ASIP: variants seen among roughly 807,000 people sequenced by gnomAD.
ASIP encodes agouti signaling protein, also known as agouti-signaling protein.
In ASIP, 11 loss-of-function variants were observed where a neutral mutation model predicts 10.3. The ratio of observed to expected loss-of-function variants is 1.07; its 90% CI spans 0.68 to 1.78. ASIP has a LOEUF of 1.78. ASIP is among the 40% of genes most tolerant of loss of function. ASIP has a pLI of 0.00. For missense variants in ASIP, 180 were observed against 169.2 expected, an observed-to-expected ratio of 1.06 and a Z score of -0.35; for synonymous variants, 70 against 70.8, an observed-to-expected ratio of 0.99 and a Z score of 0.06.
chr20:34,256,066 C>T (rs574887760), intron 1 of ASIP, among the ~76,000 whole-genome samples: 4 of 152,380 alleles, frequency 2.6e-5, no homozygotes, highest in Admixed American at 2.6e-4. Flanking sequence ...CACCTGGCTC[C>T]GCCTTCTAGA....
intron 1 of ASIP, among the ~76,000 whole-genome samples, chr20:34,249,577 G>A (rs940359880): frequency 6.6e-6 from 1 of 152,122 alleles, no homozygotes; most frequent in African/African-American, 2.4e-5. Context: ...GTGCTTAAAG[G>A]GCCAATGGCT....
rs917912519 is a variant in ASIP at position 34,218,864 on chromosome 20, C to T, written c.-11+24104C>T. Among the ~76,000 whole-genome samples, 8 of 152,052 alleles carry T rather than the reference C, an allele frequency of 5.3e-5. No individual in the cohort carries two copies. In the South Asian group the frequency reaches 1.5e-3, roughly 28 times the overall value. On this transcript the variant is annotated intron_variant, in intron 1 of 3. Transcript: ENST00000568305. ...ATTTTTAGTAGAGACGGGGTTTCAC[C>T]ATGTTAGCCAGGATGGTCTCGATCT...
chr20:34,204,691 T>C lies in ASIP; in HGVS notation c.-11+9931T>C, dbSNP rs182362626. 8.9e-4 allele frequency among the ~76,000 whole-genome samples: 136 copies of C among 152,388 alleles called. 1 individual carries two copies. The highest frequency in any genetic ancestry group is 2.5e-3 in the Admixed American group (39 of 15,306). On this transcript the variant is annotated intron_variant, in intron 1 of 3. Transcript: ENST00000568305. Reference sequence around the variant, plus strand: ...GAGTTTACTTTTTGTAGTTACTCTTTATCAGATTGAGGAATTTTTCTTCTA... The same window carrying C: ...GAGTTTACTTTTTGTAGTTACTCTTCATCAGATTGAGGAATTTTTCTTCTA...
intron 1 of ASIP, among the ~76,000 whole-genome samples, chr20:34,205,612 C>T (rs1193405396): frequency 9.0e-6 from 1 of 111,368 alleles, no homozygotes; most frequent in Admixed American, 7.6e-5. Flanking sequence ...TGCTTTTATT[C>T]CCTTATTTGG....
At chr20:34,232,792 T>C (rs1045436663) in intron 1 of ASIP, among the ~76,000 whole-genome samples, 1 of 152,246 alleles carries the variant, frequency 6.6e-6, no homozygotes, top group Non-Finnish European at 1.5e-5. Flanking sequence ...TGTCAGGCCA[T>C]GTCCACATGA....
At chr20:34,220,365 G>A (rs1391709770) in intron 1 of ASIP, among the ~76,000 whole-genome samples, 1 of 152,190 alleles carries the variant, frequency 6.6e-6, no homozygotes, top group African/African-American at 2.4e-5. Flanking sequence ...GGGAGGCTGA[G>A]GCAGGCTGAT....
intron 3 of ASIP, among the ~76,000 whole-genome samples, chr20:34,265,634 T>G (rs1031442306): frequency 6.6e-6 from 1 of 151,526 alleles, no homozygotes; most frequent in Non-Finnish European, 1.5e-5. Flanking sequence ...TCACTTACCA[T>G]AAATAGAAGG....
chr20:34,186,953 ACAGGTGCGTGCCAC>A, the ASIP span, among the ~76,000 whole-genome samples: 1 of 152,112 alleles, frequency 6.6e-6, no homozygotes, highest in African/African-American at 2.4e-5. Context: ...AGCTGGGACT[ACAGGTGCGTGCCAC>A]CACACCTGGT....
intron 1 of ASIP, among the ~76,000 whole-genome samples, chr20:34,205,143 A>G (rs2034926069): frequency 6.6e-6 from 1 of 152,226 alleles, no homozygotes; most frequent in Admixed American, 6.5e-5. Flanking sequence ...TACAGTTCTT[A>G]AAGATGGTGT....
intron 3 of ASIP, among the ~76,000 whole-genome samples, chr20:34,264,383 GTC>G (rs1369800674): frequency 6.6e-6 from 1 of 152,188 alleles, no homozygotes; most frequent in Non-Finnish European, 1.5e-5. Flanking sequence ...TGCACAAGGA[GTC>G]TCACCAGGAA....
At chr20:34,213,508 G>T in intron 1 of ASIP, 3 of 1,468,690 alleles carry the variant, frequency 2.0e-6, no homozygotes, top group African/African-American at 1.4e-5. Context: ...TAAAGCAGCA[G>T]ACTGGTCATT....
At chr20:34,225,997 G>A (rs894559059) in intron 1 of ASIP, among the ~76,000 whole-genome samples, 1 of 151,730 alleles carries the variant, frequency 6.6e-6, no homozygotes. Context: ...AGGTTCAAGC[G>A]ATTCTCCTGC....
At chr20:34,194,728 G>A (rs142559473) in exon 1 of ASIP, 32 of 152,120 alleles carry the variant, frequency 2.1e-4, no homozygotes, top group African/African-American at 7.7e-4. Context: ...AGCCACTGAC[G>A]ATTTCCTGGA....
Position 34,262,820 on chromosome 20 carries a change from C to A in ASIP, c.161-12C>A. ...AAACATCTGACTTTGCTCCTTTTGTCTCTCTTTGAAGCGCTGAACAAGAAA... is the reference window on the plus strand; with the variant it reads ...AAACATCTGACTTTGCTCCTTTTGTATCTCTTTGAAGCGCTGAACAAGAAA... On this transcript the variant is annotated splice_polypyrimidine_tract_variant and intron_variant, in intron 2 of 3. Coordinates refer to ENST00000374954, the MANE Select transcript of ASIP (RefSeq NM_001672.3). The A allele has an allele frequency of 6.2e-7, 1 of 1,613,800 alleles. No homozygotes were observed. Among genetic ancestry groups the A allele is most frequent in the Non-Finnish European group, 8.5e-7 (1 of 1,179,824 alleles).
intron 1 of ASIP, among the ~76,000 whole-genome samples, chr20:34,249,084 G>GCT (rs2035429476): frequency 6.6e-6 from 1 of 150,454 alleles, no homozygotes; most frequent in Admixed American, 6.6e-5. Flanking sequence ...AGCTGAGATG[G>GCT]CACCACTGCA....
In ASIP at chr20:34,260,396, C is replaced by G. The variant is rs774548240; in HGVS notation, c.22C>G (p.Leu8Val). The change falls in exon 2 of 4, where the codon CTG becomes GTG. Residue 8 changes from leucine (L) to valine (V), a missense_variant. Leu to Val is a conservative substitution (Grantham distance 32). Coordinates refer to ENST00000374954, the MANE Select transcript of ASIP (RefSeq NM_001672.3). MDVTRLL[L>V]ATLLVFLCFF... is the part of the protein sequence containing the mutation. ...TGGGATGGATGTCACCCGCTTACTC[C>G]TGGCCACCCTGCTGGTCTTCCTCTG... 1.9e-6 allele frequency: 3 copies of G among 1,614,006 alleles called. No individual in the cohort carries two copies. Among genetic ancestry groups the G allele is most frequent in the Non-Finnish European group, 2.5e-6 (3 of 1,179,910 alleles).
chr20:34,227,211 T>C lies in ASIP; in HGVS notation c.-11+32451T>C, dbSNP rs139350142. Among the ~76,000 whole-genome samples the C allele has an allele frequency of 4.6e-5, 7 of 152,098 alleles. No individual in the cohort carries two copies. The South Asian group carries it at 6.2e-4, about 14-fold the overall frequency. ...TATATTGTAGCAAAGACAATACAAA[T>C]TGACGTGTTAAAAAATGCCATTTAT... On this transcript the variant is annotated intron_variant, in intron 1 of 3. Transcript: ENST00000568305.
chr20:34,196,840 CA>C (rs1024113091), intron 1 of ASIP, among the ~76,000 whole-genome samples: 1 of 152,298 alleles, frequency 6.6e-6, no homozygotes, highest in African/African-American at 2.4e-5. Flanking sequence ...TGATCATCAC[CA>C]CAAAGGTAGG....
At chr20:34,197,999 G>A (rs1041909835) in intron 1 of ASIP, among the ~76,000 whole-genome samples, 7 of 152,012 alleles carry the variant, frequency 4.6e-5, no homozygotes, top group African/African-American at 1.4e-4. Context: ...CTGGGGAAGA[G>A]AGAATGGGGT....
Sources: gnomAD v4.1 joint callset for allele counts (sites outside exome capture counted in the v4.1 genomes callset) on GRCh38, gnomAD v4.1.1 for gene constraint, MANE v1.5 for transcripts, NCBI Gene and HGNC (gene_info 2026-07-23, HGNC 2026-07-21) for gene names.